Variants in PPFIA3 observed in about 807,000 individuals in gnomAD.
PPFIA3 encodes the protein PPFI scaffold protein A3.
In PPFIA3, 26 loss-of-function variants were observed where a neutral mutation model predicts 145.8. The ratio of observed to expected loss-of-function variants is 0.18; its 90% CI spans 0.13 to 0.25. The LOEUF (loss-of-function observed/expected upper bound fraction) is 0.25, where lower values mean the gene tolerates loss of function less well. Ranked by LOEUF, PPFIA3 falls within the 10% of genes least tolerant of loss-of-function variation. The pLI, the probability that PPFIA3 is intolerant of heterozygous loss-of-function variation, is 1.00. For missense variants in PPFIA3, 1,008 were observed against 1,587.8 expected (o/e 0.63, Z 6.21); for synonymous variants, 645 against 661.4 (o/e 0.98, Z 0.38).
chr19:49,134,944 A>C lies in PPFIA3; in HGVS notation c.1520+29A>C, dbSNP rs370784352. On this transcript the variant is annotated intron_variant, in intron 13 of 29. Transcript: ENST00000334186. ...ACAGCAGCCCTTCTGCCCTGCCCCCACCATGGAGCCCCGTTGGCCAAGCGC... is the reference window on the plus strand; with the variant it reads ...ACAGCAGCCCTTCTGCCCTGCCCCCCCCATGGAGCCCCGTTGGCCAAGCGC... 257 of 1,516,274 alleles carry C rather than the reference A, an allele frequency of 1.7e-4. 2 individuals are homozygous for C. The South Asian group carries it at 3.3e-3, about 19-fold the overall frequency. 93.9% of individuals were successfully genotyped at this position (1,516,274 alleles called of 1,614,324 possible).
intron 4 of PPFIA3, 85 bp from the exon 5 acceptor site, chr19:49,129,295 C>CGTCCCA (rs1369959074): frequency 1.4e-6 from 2 of 1,392,096 alleles, no homozygotes; most frequent in Admixed American, 4.6e-5. Context: ...CTATCGGATC[C>CGTCCCA]GTCCCAGGGG....
rs2041052608 is a variant in PPFIA3 at position 49,130,313 on chromosome 19, C to T, written c.658-65C>T. On this transcript the variant is annotated intron_variant, in intron 6 of 29. Coordinates refer to ENST00000334186, the MANE Select transcript of PPFIA3 (RefSeq NM_003660.4). This position sits in a 1 kb window ranked among gnomAD's most constrained non-coding sequence, Gnocchi z 4.5. ...TCTACTTTCAGCTGATTGACTTTCT[C>T]CTTGGATTTCCTCTGTGTCTCCGGA... is the stretch of plus-strand genomic sequence containing the variant. 9 of 1,424,312 alleles carry T rather than the reference C, an allele frequency of 6.3e-6. No homozygotes were observed. The highest frequency in any genetic ancestry group is 8.6e-6 in the Non-Finnish European group (9 of 1,049,124). 88.2% of individuals were successfully genotyped at this position (1,424,312 alleles called of 1,614,324 possible).
Position 49,128,561 on chromosome 19 carries a change from T to A in PPFIA3, c.342+93T>A. 8.3e-7 allele frequency: 1 copy of A among 1,210,654 alleles called. No individual in the cohort carries two copies. The highest frequency in any genetic ancestry group is 1.2e-6 in the Non-Finnish European group (1 of 843,506). 75.0% of individuals were successfully genotyped at this position (1,210,654 alleles called of 1,614,324 possible). A position where few individuals can be genotyped will look rare whatever the true frequency, so the allele number is the denominator to read the frequency against. On this transcript the variant is annotated intron_variant, in intron 3 of 29. Coordinates refer to ENST00000334186, the MANE Select transcript of PPFIA3 (RefSeq NM_003660.4). The surrounding 1 kb of genome is among the most constrained non-coding windows in gnomAD (Gnocchi z 4.1). ...CCTCTCAGTGTTGCAGCGTGACCTA[T>A]TTTTTTCCCCCATCTCGCCTTTCTG...
At chr19:49,124,790 G>A (rs2040976835) in intron 1 of PPFIA3, among the ~76,000 whole-genome samples, 1 of 152,182 alleles carries the variant, frequency 6.6e-6, no homozygotes, top group Admixed American at 6.5e-5. Flanking sequence ...TTGGGGCTGG[G>A]CGCGGTGGCT....
At chr19:49,144,609 G>C (rs888653483) in intron 21 of PPFIA3, among the ~76,000 whole-genome samples, 2 of 152,060 alleles carry the variant, frequency 1.3e-5, no homozygotes, top group Non-Finnish European at 2.9e-5. Context: ...AGCTACTCAG[G>C]AGGCTGAGGT....
In PPFIA3 at chr19:49,137,628, C is replaced by CAAAAAAAAAAAAAAAAAAAA. The variant is rs3032695; in HGVS notation, c.1854-566_1854-547dup. ...TGGGCTACAGAGCGAGACTCCGTGT[C>CAAAAAAAAAAAAAAAAAAAA]AAAAAAAAAAAAAAAAAAAAAAAAA... On this transcript the variant is annotated intron_variant, in intron 15 of 29. Transcript: ENST00000334186. Among the ~76,000 whole-genome samples, 51 of 43,784 alleles carry CAAAAAAAAAAAAAAAAAAAA rather than the reference C, an allele frequency of 1.2e-3. 5 individuals carry two copies. The highest frequency in any genetic ancestry group is 1.4e-3 in the Non-Finnish European group (35 of 24,152). The allele number at this position is 43,784 out of a possible 152,430, so 28.7% of individuals were successfully genotyped here.
In PPFIA3 at chr19:49,130,472, A is replaced by G; in HGVS notation, c.752A>G (p.Gln251Arg). The change falls in exon 7 of 30, where the codon CAG becomes CGG. Residue 251 changes from glutamine to arginine, a missense_variant. By Grantham distance (43) the Gln-to-Arg change is conservative. Transcript: ENST00000334186. The surrounding 1 kb of genome is among the most constrained non-coding windows in gnomAD (Gnocchi z 4.5). ...ALERQRAEVC[Q>R]LRERLAVLCR... Reference sequence around the variant, plus strand: ...GAGCGGCAGCGCGCCGAGGTGTGCCAGCTGCGGGAGCGCCTGGCGGTGCTG... The same window carrying G: ...GAGCGGCAGCGCGCCGAGGTGTGCCGGCTGCGGGAGCGCCTGGCGGTGCTG... The G allele has an allele frequency of 1.2e-6, 2 of 1,606,748 alleles. No individual in the cohort carries two copies. Among genetic ancestry groups the G allele is most frequent in the Non-Finnish European group, 1.7e-6 (2 of 1,177,374 alleles).
At position 49,133,449 on chromosome 19, in the gene PPFIA3, G is replaced by C; in HGVS notation, c.1161+78G>C. On this transcript the variant is annotated intron_variant, in intron 9 of 29. Coordinates refer to ENST00000334186, the MANE Select transcript of PPFIA3 (RefSeq NM_003660.4). This position sits in a 1 kb window ranked among gnomAD's most constrained non-coding sequence, Gnocchi z 7.2. ...AGGAGGCGGGGCCGTGAATCTGGAG[G>C]GGTAGGAGCGAGGTCAGAACCCCGG... is the stretch of plus-strand genomic sequence containing the variant. 3 of 1,456,914 alleles carry C rather than the reference G, an allele frequency of 2.1e-6. No homozygotes were observed. Among genetic ancestry groups the C allele is most frequent in the Non-Finnish European group, 2.7e-6 (3 of 1,103,384 alleles). The allele number at this position is 1,456,914 out of a possible 1,614,324, so 90.2% of individuals were successfully genotyped here.
At chr19:49,140,113 C>G in intron 18 of PPFIA3, 25 bp downstream of exon 18, 1 of 1,612,258 alleles carries the variant, frequency 6.2e-7, no homozygotes, top group Non-Finnish European at 8.5e-7. Flanking sequence ...CTAACCCTTC[C>G]CTCCTTTGTT....
chr19:49,139,291 C>T (rs1424274559), intron 16 of PPFIA3, among the ~76,000 whole-genome samples: 1 of 150,886 alleles, frequency 6.6e-6, no homozygotes, highest in Admixed American at 6.6e-5. Flanking sequence ...TGCCACTGCA[C>T]TCCAGCCTGG....
intron 7 of PPFIA3, 22 bp from the exon 8 acceptor site, chr19:49,132,979 G>A (rs1466376877): frequency 4.4e-6 from 7 of 1,605,546 alleles, no homozygotes; most frequent in Non-Finnish European, 5.9e-6. Context: ...GCAGTCCACG[G>A]GGCCCTTTGC....
chr19:49,149,260 C>G lies in PPFIA3; in HGVS notation c.3289C>G (p.Arg1097Gly). The G allele has an allele frequency of 6.2e-7, 1 of 1,614,202 alleles. No homozygotes were observed. The highest frequency in any genetic ancestry group is 8.5e-7 in the Non-Finnish European group (1 of 1,180,042). ...CCCCTCCACCTCCTCTTTCCAGGCC[C>G]GGCAGCTTCTGGAGAAGGAATTCAG... ...LQIPTQNAQA[R>G]QLLEKEFSNL... is the part of the protein sequence containing the mutation. The change falls in exon 27 of 30, where the codon CGG (arginine) becomes GGG (glycine). Residue 1097 changes from arginine to glycine, a missense_variant. This residue lies in a region of PPFIA3 where 125 missense variants were observed against 159.3 expected (regional missense o/e 0.78). Transcript: ENST00000334186. The surrounding 1 kb of genome is among the most constrained non-coding windows in gnomAD (Gnocchi z 5.7).
Position 49,128,670 on chromosome 19 carries a change from C to G in PPFIA3, c.343-178C>G, listed in dbSNP as rs979373198. On this transcript the variant is annotated intron_variant, in intron 3 of 29. Transcript: ENST00000334186. The surrounding 1 kb of genome is among the most constrained non-coding windows in gnomAD (Gnocchi z 4.1). ...TCCTCCCTGTCTCCATAACTTTTCT[C>G]TTTTCTGTACCACCGGTTCCTTGAC... is the stretch of plus-strand genomic sequence containing the variant. The G allele has an allele frequency of 3.9e-6, 3 of 773,154 alleles. No individual in the cohort carries two copies. Among genetic ancestry groups the G allele is most frequent in the Admixed American group, 2.9e-5 (1 of 34,972 alleles). The allele number at this position is 773,154 out of a possible 1,614,324, so 47.9% of individuals were successfully genotyped here.
At chr19:49,125,146 C>T (rs2040981656) in intron 1 of PPFIA3, among the ~76,000 whole-genome samples, 1 of 152,130 alleles carries the variant, frequency 6.6e-6, no homozygotes, top group African/African-American at 2.4e-5. Flanking sequence ...TGAATCTTTC[C>T]TCTGAGTGCT....
Position 49,148,632 on chromosome 19 carries a change from G to T in PPFIA3, c.3012-34G>T, listed in dbSNP as rs756056178. The T allele has an allele frequency of 1.6e-5, 25 of 1,537,888 alleles. No individual in the cohort carries two copies. The Admixed American group carries it at 1.7e-4, about 11-fold the overall frequency. On this transcript the variant is annotated intron_variant, in intron 24 of 29. Coordinates refer to ENST00000334186, the MANE Select transcript of PPFIA3 (RefSeq NM_003660.4). Reference sequence around the variant, plus strand: ...GAGCAGCAGTCTAGGGGACTGGAAAGCTCATCCGTGACTCCACTTCCCCTG... The same window carrying T: ...GAGCAGCAGTCTAGGGGACTGGAAATCTCATCCGTGACTCCACTTCCCCTG...
rs1321521321 is a variant in PPFIA3, at chr19:49,149,993, CGGGAA to C, written c.3527-80_3527-76del. ...TGGAGCCCGGCGATCGTTGTGACAT[CGGGAA>C]GGGAAGTCCAAAGGGAGGAATCCTG... On this transcript the variant is annotated intron_variant, in intron 28 of 29. Transcript: ENST00000334186. The surrounding 1 kb of genome is among the most constrained non-coding windows in gnomAD (Gnocchi z 5.7). 4.2e-6 allele frequency: 6 copies of C among 1,444,212 alleles called. No individual in the cohort carries two copies. In the East Asian group the frequency reaches 7.3e-5, roughly 18 times the overall value. 89.5% of individuals were successfully genotyped at this position (1,444,212 alleles called of 1,614,324 possible).
chr19:49,149,422 A>G lies in PPFIA3; in HGVS notation c.3354+97A>G, dbSNP rs2041317432. 3 of 1,585,446 alleles carry G rather than the reference A, an allele frequency of 1.9e-6. No individual in the cohort carries two copies. In the South Asian group the frequency reaches 3.3e-5, roughly 18 times the overall value. ...CCTGACTATTAATGGTCACGGTTGGAGGCGGGGCCAGGAGAGGGGCGGGGT... is the reference window on the plus strand; with the variant it reads ...CCTGACTATTAATGGTCACGGTTGGGGGCGGGGCCAGGAGAGGGGCGGGGT... On this transcript the variant is annotated intron_variant, in intron 27 of 29. Transcript: ENST00000334186. The surrounding 1 kb of genome is among the most constrained non-coding windows in gnomAD (Gnocchi z 5.7).
At chr19:49,140,212 G>C in intron 18 of PPFIA3, 124 bp downstream of exon 18, 1 of 1,276,266 alleles carries the variant, frequency 7.8e-7, no homozygotes. Context: ...GATTTATTTA[G>C]AATTTGGAAG....
chr19:49,129,160 G>T, intron 4 of PPFIA3, 148 bp downstream of exon 4: 1 of 1,032,014 alleles, frequency 9.7e-7, no homozygotes, highest in Non-Finnish European at 1.4e-6. Context: ...AGGATACATA[G>T]ACTGGGACCT....
Sources: gnomAD v4.1 joint callset for allele counts (sites outside exome capture counted in the v4.1 genomes callset) on GRCh38, gnomAD v4.1.1 for gene constraint, gnomAD v4.1.1 regional missense constraint, Gnocchi (gnomAD v3.1) non-coding constraint, MANE v1.5 for transcripts, NCBI Gene and HGNC (gene_info 2026-07-23, HGNC 2026-07-21) for gene names.